CDS2: variants seen among roughly 807,000 people sequenced by gnomAD.
CDS2 encodes the protein phosphatidate cytidylyltransferase 2.
In CDS2, 47 loss-of-function variants were observed where a neutral mutation model predicts 59.0. The ratio of observed to expected loss-of-function variants is 0.80; its 90% confidence interval spans 0.63 to 1.02. CDS2 has a LOEUF of 1.02. CDS2 is among the 50% of genes least tolerant of loss of function. The pLI, the probability that CDS2 is intolerant of heterozygous loss-of-function variation, is 0.00. For missense variants in CDS2, 356 were observed against 558.9 expected (o/e 0.64, Z 3.66); for synonymous variants, 207 against 206.4 (o/e 1.00, Z -0.02).
intron 4 of CDS2, among the ~76,000 whole-genome samples, chr20:5,178,589 G>A (rs2091010677): frequency 6.6e-6 from 1 of 152,180 alleles, no homozygotes; most frequent in Non-Finnish European, 1.5e-5. Flanking sequence ...AAGTTTGGGA[G>A]AAATGGAGAG....
At chr20:5,130,664 TC>T (rs2090598185) in intron 1 of CDS2, among the ~76,000 whole-genome samples, 1 of 151,884 alleles carries the variant, frequency 6.6e-6, no homozygotes, top group Non-Finnish European at 1.5e-5. Context: ...ATGCCTGTAA[TC>T]CCAGCTACTC....
At chr20:5,182,349 A>G (rs748657736) in intron 5 of CDS2, 38 bp from the exon 6 acceptor site, 1 of 1,569,472 alleles carries the variant, frequency 6.4e-7, no homozygotes, top group African/African-American at 1.4e-5. Flanking sequence ...AATGCAGAAC[A>G]TAATTCATTT....
chr20:5,145,236 A>ACCCCCCCCCCCCC (rs796723724), intron 1 of CDS2, among the ~76,000 whole-genome samples: 8 of 51,966 alleles, frequency 1.5e-4, no homozygotes, highest in Non-Finnish European at 1.5e-4. Flanking sequence ...GAAAGGAAAG[A>ACCCCCCCCCCCCC]CCCCCCCCCC....
chr20:5,165,552 T>TTTTTTG (rs1322367649), intron 1 of CDS2, among the ~76,000 whole-genome samples: 2 of 47,856 alleles, frequency 4.2e-5, no homozygotes, highest in Non-Finnish European at 1.0e-4. Context: ...TCTTTTTTTG[T>TTTTTTG]TTTTTTGTTT....
intron 1 of CDS2, among the ~76,000 whole-genome samples, chr20:5,142,937 G>T (rs557791581): frequency 6.6e-6 from 1 of 152,088 alleles, no homozygotes; most frequent in East Asian, 1.9e-4. Context: ...CAAACTGCTG[G>T]GATCAAGGGA....
intron 1 of CDS2, among the ~76,000 whole-genome samples, chr20:5,135,393 C>G (rs1424692555): frequency 6.6e-6 from 1 of 152,228 alleles, no homozygotes; most frequent in Non-Finnish European, 1.5e-5. Flanking sequence ...TTGTTAAGGT[C>G]TCCCAGCCCT....
At chr20:5,158,742 T>C (rs1339217776) in intron 1 of CDS2, among the ~76,000 whole-genome samples, 1 of 152,198 alleles carries the variant, frequency 6.6e-6, no homozygotes. Flanking sequence ...AGCTAGCGGT[T>C]TGGGGACACA....
intron 1 of CDS2, chr20:5,128,045 C>G (rs1227146503): frequency 6.6e-6 from 1 of 152,274 alleles, no homozygotes; most frequent in East Asian, 1.9e-4. Context: ...GCCTGGTTCA[C>G]TCGGGATTGC....
At chr20:5,163,286 A>T (rs763713602) in intron 1 of CDS2, among the ~76,000 whole-genome samples, 2 of 152,128 alleles carry the variant, frequency 1.3e-5, no homozygotes, top group Middle Eastern at 3.4e-3. Flanking sequence ...TTTGAGACAG[A>T]GTTTTGCTCT....
At chr20:5,151,690 C>T (rs953986252) in intron 1 of CDS2, among the ~76,000 whole-genome samples, 2 of 150,916 alleles carry the variant, frequency 1.3e-5, no homozygotes, top group Admixed American at 6.6e-5. Flanking sequence ...CTTCTGTCTG[C>T]ACCTCCCAAA....
chr20:5,131,968 C>T (rs1444426061), intron 1 of CDS2, among the ~76,000 whole-genome samples: 2 of 152,218 alleles, frequency 1.3e-5, no homozygotes, highest in African/African-American at 2.4e-5. Flanking sequence ...ATTCATCTTA[C>T]ACACTTGAAA....
At chr20:5,152,089 A>G (rs2090796293) in intron 1 of CDS2, among the ~76,000 whole-genome samples, 1 of 150,622 alleles carries the variant, frequency 6.6e-6, no homozygotes, top group African/African-American at 2.4e-5. Context: ...TTAAAAAAAA[A>G]AAAAACAAAA....
At chr20:5,171,985 TTTTG>T (rs1314968756) in intron 1 of CDS2, among the ~76,000 whole-genome samples, 1 of 152,176 alleles carries the variant, frequency 6.6e-6, no homozygotes, top group African/African-American at 2.4e-5. Flanking sequence ...TGCTAATCTG[TTTTG>T]TTTTTCTGTT....
chr20:5,147,390 G>A (rs189513257), intron 1 of CDS2, among the ~76,000 whole-genome samples: 55 of 152,274 alleles, frequency 3.6e-4, no homozygotes, highest in African/African-American at 1.3e-3. Context: ...TAGGTTTGGG[G>A]ATAGGAAAGA....
intron 5 of CDS2, among the ~76,000 whole-genome samples, chr20:5,180,446 A>G (rs2091025819): frequency 1.3e-5 from 2 of 151,884 alleles, no homozygotes. Flanking sequence ...TGGATTATTC[A>G]TGTTTCCTTT....
At chr20:5,135,227 C>T (rs1417703160) in intron 1 of CDS2, among the ~76,000 whole-genome samples, 1 of 152,216 alleles carries the variant, frequency 6.6e-6, no homozygotes, top group Non-Finnish European at 1.5e-5. Flanking sequence ...CGTGCCCGGC[C>T]ATTGTAACTA....
intron 1 of CDS2, among the ~76,000 whole-genome samples, chr20:5,133,124 G>A (rs945790559): frequency 7.9e-5 from 12 of 151,678 alleles, no homozygotes; most frequent in Admixed American, 5.3e-4. Flanking sequence ...GCAGTGAGCC[G>A]AGATCCCACC....
chr20:5,166,228 G>GT (rs1377283884), intron 1 of CDS2, among the ~76,000 whole-genome samples: 1 of 152,212 alleles, frequency 6.6e-6, no homozygotes, highest in Non-Finnish European at 1.5e-5. Flanking sequence ...ACTGAAAGCT[G>GT]TTTTGGAGGT....
intron 3 of CDS2, among the ~76,000 whole-genome samples, chr20:5,175,876 C>T (rs934643292): frequency 2.0e-5 from 3 of 152,160 alleles, no homozygotes; most frequent in African/African-American, 4.8e-5. Context: ...CTCCTGGTTT[C>T]GTTTCCTGTT....
Sources: gnomAD v4.1 joint callset for allele counts (sites outside exome capture counted in the v4.1 genomes callset) on GRCh38, gnomAD v4.1.1 for gene constraint, MANE v1.5 for transcripts, NCBI Gene and HGNC (gene_info 2026-07-23, HGNC 2026-07-21) for gene names.